The following RYR3 variants were observed in gnomAD, a reference collection of about 807,000 sequenced individuals.
The protein encoded by RYR3 is ryanodine receptor 3, also known as brain ryanodine receptor-calcium release channel.
Under a neutral mutation model 584.3 loss-of-function variants are expected in RYR3, and 207 were observed. That is an observed-to-expected ratio of 0.35 (90% CI 0.32 to 0.40). The LOEUF (loss-of-function observed/expected upper bound fraction) is 0.40. Among genes scored for constraint, RYR3 ranks in the 10% least tolerant of loss-of-function variants. The pLI, the probability that RYR3 is intolerant of heterozygous loss-of-function variation, is 1.00. For synonymous variants in RYR3, 2,416 were observed against 2,248.5 expected (o/e 1.07, Z -2.11); for missense variants, 5,616 against 6,089.2 (o/e 0.92, Z 2.59).
At chr15:33,627,185 T>G (rs1478725148) in intron 20 of RYR3, among the ~76,000 whole-genome samples, 1 of 152,208 alleles carries the variant, frequency 6.6e-6, no homozygotes, top group African/African-American at 2.4e-5. Context: ...GGGTCCCGTG[T>G]TAGCCATCTT....
intron 1 of RYR3, among the ~76,000 whole-genome samples, chr15:33,404,307 A>G (rs1281695078): frequency 6.6e-6 from 1 of 152,198 alleles, no homozygotes; most frequent in African/African-American, 2.4e-5. Context: ...TAATCTTTAC[A>G]ATGATTCTAA....
chr15:33,750,174 C>A lies in RYR3; in HGVS notation c.8287C>A (p.His2763Asn). 6.2e-7 allele frequency: 1 copy of A among 1,609,618 alleles called. No homozygotes were observed. Among genetic ancestry groups the A allele is most frequent in the Non-Finnish European group, 8.5e-7 (1 of 1,178,040 alleles). ...CTTACTGACCCCAGGTGGTGGCAGC[C>A]ACCCTCTTCTGGTACCATATGACAC... The part of the protein sequence containing the change: ...LELESKGGGS[H>N]PLLVPYDTLT... Residue 2763 changes from histidine to asparagine, a missense_variant, in exon 57 of 104, where the codon CAC becomes AAC. His to Asn is a moderately conservative substitution (Grantham distance 68). Transcript: ENST00000634891.
intron 16 of RYR3, among the ~76,000 whole-genome samples, chr15:33,600,708 A>G (rs1311546836): frequency 1.3e-5 from 2 of 152,056 alleles, no homozygotes; most frequent in Non-Finnish European, 2.9e-5. Flanking sequence ...ATCTCCAGAA[A>G]TTAAAGGGTA....
At chr15:33,477,877 GAAAAAAAAAA>G (rs58200056) in intron 2 of RYR3, among the ~76,000 whole-genome samples, 1,506 of 62,664 alleles carry the variant, frequency 0.024, 157 homozygotes, top group African/African-American at 0.13. Flanking sequence ...TCTGTCTCAA[GAAAAAAAAAA>G]AAAAAAAAAA....
intron 55 of RYR3, among the ~76,000 whole-genome samples, chr15:33,749,185 A>G (rs1334433030): frequency 1.3e-5 from 2 of 152,186 alleles, no homozygotes; most frequent in Non-Finnish European, 2.9e-5. Flanking sequence ...TAGCACCTCA[A>G]TGGAGGTGCT....
intron 36 of RYR3, among the ~76,000 whole-genome samples, chr15:33,668,826 G>GA (rs1003628872): frequency 1.3e-5 from 2 of 151,768 alleles, no homozygotes; most frequent in Non-Finnish European, 2.9e-5. Flanking sequence ...TCAGAGACAT[G>GA]AAAAAAAATT....
chr15:33,745,223 C>T (rs557867201), intron 52 of RYR3, among the ~76,000 whole-genome samples: 1 of 152,080 alleles, frequency 6.6e-6, no homozygotes, highest in African/African-American at 2.4e-5. Context: ...CACGAGGAGA[C>T]ATGTAGAGAA....
intron 42 of RYR3, among the ~76,000 whole-genome samples, chr15:33,705,099 CTT>C (rs1491550026): frequency 9.5e-6 from 1 of 105,246 alleles, no homozygotes; most frequent in Non-Finnish European, 2.0e-5. Flanking sequence ...CACACACACT[CTT>C]TCTCTCTCTC....
intron 1 of RYR3, among the ~76,000 whole-genome samples, chr15:33,386,162 C>A (rs55639824): frequency 0.026 from 3,962 of 152,226 alleles, 164 homozygotes; most frequent in African/African-American, 0.091. Context: ...ATTCATACAG[C>A]CTGAAATTCT....
At chr15:33,379,683 C>CTA (rs1216681475) in intron 1 of RYR3, among the ~76,000 whole-genome samples, 303 of 116,924 alleles carry the variant, frequency 2.6e-3, no homozygotes, top group Non-Finnish European at 3.5e-3. Flanking sequence ...CTCTCTCTCT[C>CTA]TCTCTATATA....
chr15:33,410,852 G>A lies in RYR3; in HGVS notation c.52-62567G>A, dbSNP rs532886089. Among the ~76,000 whole-genome samples, 1,166 of 152,290 alleles carry A rather than the reference G, an allele frequency of 7.7e-3. 21 individuals are homozygous for A. The highest frequency in any genetic ancestry group is 0.026 in the African/African-American group (1,094 of 41,546). On this transcript the variant is annotated intron_variant, in intron 1 of 103. Transcript: ENST00000634891. ...TGGACTCACAGTTCCACATGGCTGG[G>A]GAGGCCTCACAATCATGGCAGAAGG...
chr15:33,648,771 C>T (rs1204135048), intron 30 of RYR3, among the ~76,000 whole-genome samples: 1 of 152,218 alleles, frequency 6.6e-6, no homozygotes. Flanking sequence ...GCCACTGCTT[C>T]CATCCACAGC....
At chr15:33,845,159 G>C (rs528527023) in intron 93 of RYR3, 97 bp downstream of exon 93, 1 of 1,261,320 alleles carries the variant, frequency 7.9e-7, no homozygotes, top group Non-Finnish European at 1.1e-6. Context: ...TTTGCTAGCC[G>C]TAAAGGCCTT....
At chr15:33,456,697 C>G (rs964260711) in intron 1 of RYR3, among the ~76,000 whole-genome samples, 2 of 152,140 alleles carry the variant, frequency 1.3e-5, no homozygotes, top group African/African-American at 4.8e-5. Flanking sequence ...GCCATGAGCA[C>G]CTTCTCAGGG....
At chr15:33,321,719 A>C (rs965830649) in intron 1 of RYR3, among the ~76,000 whole-genome samples, 2 of 152,234 alleles carry the variant, frequency 1.3e-5, no homozygotes, top group African/African-American at 4.8e-5. Flanking sequence ...AAAAAACTAA[A>C]GCAAGATTTC....
intron 97 of RYR3, 111 bp from the exon 98 acceptor site, chr15:33,854,655 C>T: frequency 7.9e-6 from 11 of 1,384,908 alleles, no homozygotes; most frequent in Non-Finnish European, 1.1e-5. Flanking sequence ...AGCACCTCAG[C>T]ACCTAAACCC....
intron 38 of RYR3, among the ~76,000 whole-genome samples, chr15:33,674,931 G>A (rs1451346795): frequency 2.6e-5 from 4 of 151,346 alleles, no homozygotes; most frequent in Admixed American, 2.6e-4. Context: ...AAAAAAAAGA[G>A]TGGTGTTAGA....
At chr15:33,811,969 A>G (rs1006927943) in intron 72 of RYR3, among the ~76,000 whole-genome samples, 5 of 152,178 alleles carry the variant, frequency 3.3e-5, no homozygotes, top group African/African-American at 1.2e-4. Flanking sequence ...CCCCAAACAT[A>G]TAGGAATGGT....
chr15:33,626,160 G>A (rs958848669), intron 20 of RYR3, among the ~76,000 whole-genome samples: 3 of 152,180 alleles, frequency 2.0e-5, no homozygotes. Flanking sequence ...AGAAGATGCT[G>A]GCCTCAACAA....
Sources: gnomAD v4.1 joint callset for allele counts (sites outside exome capture counted in the v4.1 genomes callset) on GRCh38, gnomAD v4.1.1 for gene constraint, MANE v1.5 for transcripts, NCBI Gene and HGNC (gene_info 2026-07-23, HGNC 2026-07-21) for gene names.